Variants in TUBGCP4 observed in about 807,000 individuals in gnomAD.
TUBGCP4 encodes tubulin gamma complex component 4.
Under a neutral mutation model 91.6 loss-of-function variants are expected in TUBGCP4, and 54 were observed. The ratio of observed to expected loss-of-function variants is 0.59; its 90% confidence interval spans 0.47 to 0.74. TUBGCP4 has a LOEUF of 0.74. TUBGCP4 is among the 30% of genes least tolerant of loss of function. The pLI, the probability that TUBGCP4 is intolerant of heterozygous loss-of-function variation, is 0.00. For synonymous variants in TUBGCP4, 297 were observed against 302.8 expected (o/e 0.98, Z 0.20); for missense variants, 593 against 800.9 (o/e 0.74, Z 3.13).
chr15:43,374,000 A>T (rs1449661726), intron 1 of TUBGCP4, among the ~76,000 whole-genome samples: 1 of 152,152 alleles, frequency 6.6e-6, no homozygotes, highest in Non-Finnish European at 1.5e-5. Flanking sequence ...TAAGTTACTA[A>T]CTTGAAGATG....
chr15:43,400,365 T>C (rs936406626), intron 14 of TUBGCP4, 144 bp downstream of exon 14: 1 of 530,850 alleles, frequency 1.9e-6, no homozygotes, highest in Admixed American at 3.5e-5. Flanking sequence ...ACCAAGCATG[T>C]TTCTTAAAAT....
rs373775398 is a variant in TUBGCP4, at chr15:43,397,198, G to T, written c.1172-16G>T. 6.2e-7 allele frequency: 1 copy of T among 1,605,292 alleles called. No homozygotes were observed. Among genetic ancestry groups the T allele is most frequent in the South Asian group, 1.1e-5 (1 of 90,914 alleles). ...TAGCCAAGCGTCCCTGTCAGCCTGC[G>T]TGTTCTTTCTTGCAGATGTGAATGT... On this transcript the variant is annotated splice_polypyrimidine_tract_variant and intron_variant, in intron 11 of 17. Transcript: ENST00000564079.
At chr15:43,395,737 T>C (rs1045665330) in intron 11 of TUBGCP4, 49 bp downstream of exon 11, 2 of 1,502,756 alleles carry the variant, frequency 1.3e-6, no homozygotes, top group Non-Finnish European at 1.9e-6. Flanking sequence ...CATTGCAGGG[T>C]ATTTCTTGGC....
At chr15:43,393,357 C>A (rs1188490503) in intron 9 of TUBGCP4, among the ~76,000 whole-genome samples, 1 of 151,704 alleles carries the variant, frequency 6.6e-6, no homozygotes, top group Non-Finnish European at 1.5e-5. Context: ...TTACAGGCAC[C>A]CGCCACCACG....
At chr15:43,383,249 C>A in intron 6 of TUBGCP4, 54 bp from the exon 7 acceptor site, 1 of 1,477,348 alleles carries the variant, frequency 6.8e-7, no homozygotes. Flanking sequence ...CTCTGTTTAT[C>A]CTGTAACAGT....
chr15:43,407,698 C>T lies in TUBGCP4; in HGVS notation c.*2484C>T, dbSNP rs1595513338. The T allele has an allele frequency of 5.4e-6, 5 of 925,788 alleles. No individual in the cohort carries two copies. In the East Asian group the frequency reaches 1.3e-4, roughly 24 times the overall value. The allele number at this position is 925,788 out of a possible 1,614,324, so 57.3% of individuals were successfully genotyped here. ...CCAAAGCCCTATTATGTCAAACACA[C>T]TGCTACTGATCATGACCAAAGGCAG... On this transcript the variant is annotated 3_prime_UTR_variant, in exon 18 of 18. Transcript: ENST00000564079.
At position 43,385,929 on chromosome 15, in the gene TUBGCP4, A is replaced by T; in HGVS notation, c.862A>T (p.Asn288Tyr). The stretch of plus-strand genomic sequence containing the variant: ...TGGAGAATCTGTCCAGATGTTTGAG[A>T]ATCAAAATGTGAACCTGACTAGAAA... ...FVGESVQMFE[N>Y]QNVNLTRKGS... The change falls in exon 8 of 18, where the codon AAT becomes TAT. Residue 288 changes from asparagine (N) to tyrosine (Y), a missense_variant. Asn to Tyr is a moderately radical substitution (Grantham distance 143). Coordinates refer to ENST00000564079, the MANE Select transcript of TUBGCP4 (RefSeq NM_014444.5). 1 of 1,614,046 alleles carries T rather than the reference A, an allele frequency of 6.2e-7. No individual in the cohort carries two copies. The highest frequency in any genetic ancestry group is 8.5e-7 in the Non-Finnish European group (1 of 1,180,000).
Position 43,380,810 on chromosome 15 carries a change from TACA to T in TUBGCP4, c.521+652_521+654del, listed in dbSNP as rs573450818. On this transcript the variant is annotated intron_variant, in intron 6 of 17. Coordinates refer to ENST00000564079, the MANE Select transcript of TUBGCP4 (RefSeq NM_014444.5). ...TACAAAATTGTATTTATCTTGTGAT[TACA>T]ACAATATGAAAACATGTAGAGTATA... 4.3e-3 allele frequency among the ~76,000 whole-genome samples: 653 copies of T among 152,346 alleles called. 8 individuals carry two copies. The highest frequency in any genetic ancestry group is 5.5e-3 in the Non-Finnish European group (372 of 68,038).
chr15:43,383,623 C>T (rs569711260), intron 7 of TUBGCP4, 119 bp downstream of exon 7: 50 of 762,532 alleles, frequency 6.6e-5, no homozygotes, highest in Admixed American at 3.3e-5. Context: ...TCAATCCTTT[C>T]GATGTAAACA....
intron 1 of TUBGCP4, among the ~76,000 whole-genome samples, chr15:43,375,017 C>T (rs555249988): frequency 1.2e-4 from 18 of 152,362 alleles, no homozygotes; most frequent in Admixed American, 3.3e-4. Flanking sequence ...GTTCTCATGC[C>T]TCAGCCTCCC....
chr15:43,383,424 A>C lies in TUBGCP4; in HGVS notation c.643A>C (p.Ser215Arg). Residue 215 changes from serine to arginine, a missense_variant, in exon 7 of 18, where the codon AGT (serine) becomes CGT (arginine). By Grantham distance (110) the Ser-to-Arg change is moderately radical. Transcript: ENST00000564079. ...ACAGGGGCCATCTTCTGGTAATGTC[A>C]GTGCCCAGCCAGAAGAGGACGAGGA... ...IKQGPSSGNV[S>R]AQPEEDEEDL... is the part of the protein sequence containing the mutation. The C allele has an allele frequency of 6.2e-7, 1 of 1,614,150 alleles. No homozygotes were observed. Among genetic ancestry groups the C allele is most frequent in the Non-Finnish European group, 8.5e-7 (1 of 1,180,018 alleles).
intron 14 of TUBGCP4, among the ~76,000 whole-genome samples, chr15:43,400,658 G>A (rs889867981): frequency 6.6e-6 from 1 of 151,966 alleles, no homozygotes; most frequent in African/African-American, 2.4e-5. Flanking sequence ...GGTCACGTCT[G>A]TAATCTCAGC....
At position 43,398,145 on chromosome 15, in the gene TUBGCP4, C is replaced by T; in HGVS notation, c.1384C>T (p.Leu462=). 1.2e-6 allele frequency: 2 copies of T among 1,613,868 alleles called. No individual in the cohort carries two copies. Among genetic ancestry groups the T allele is most frequent in the Non-Finnish European group, 8.5e-7 (1 of 1,179,820 alleles). ...LGLSYKVQWP[L]HILFTPAVLE... The stretch of plus-strand genomic sequence containing the variant: ...TCTTTCCTACAAAGTACAGTGGCCA[C>T]TACATATTCTCTTCACCCCAGCTGT... Residue 462 remains leucine (L), a synonymous_variant, in exon 13 of 18, where the codon CTA becomes TTA. Transcript: ENST00000564079.
intron 9 of TUBGCP4, among the ~76,000 whole-genome samples, chr15:43,390,895 G>C (rs1045114766): frequency 1.3e-5 from 2 of 152,100 alleles, no homozygotes; most frequent in African/African-American, 4.8e-5. Context: ...ATGAGTCACT[G>C]CAGCGCGATC....
intron 12 of TUBGCP4, 38 bp from the exon 13 acceptor site, chr15:43,398,003 G>C: frequency 2.5e-6 from 4 of 1,586,684 alleles, no homozygotes; most frequent in Non-Finnish European, 3.4e-6. Flanking sequence ...TAACCAAGTT[G>C]TTATCTTTTC....
chr15:43,390,417 G>C (rs1438890383), intron 9 of TUBGCP4, among the ~76,000 whole-genome samples: 2 of 151,642 alleles, frequency 1.3e-5, no homozygotes, highest in South Asian at 2.1e-4. Flanking sequence ...AAAAAATCTA[G>C]TCATTTATGT....
intron 9 of TUBGCP4, among the ~76,000 whole-genome samples, chr15:43,389,377 G>T (rs989933125): frequency 2.1e-4 from 32 of 151,748 alleles, no homozygotes; most frequent in African/African-American, 7.8e-4. Context: ...GCAAATGAGA[G>T]AACTTTCCTT....
Position 43,405,423 on chromosome 15 carries a change from A to T in TUBGCP4, c.*209A>T, listed in dbSNP as rs1018938766. 1 of 606,742 alleles carries T rather than the reference A, an allele frequency of 1.6e-6. No individual in the cohort carries two copies. The allele number at this position is 606,742 out of a possible 1,614,324, so 37.6% of individuals were successfully genotyped here. On this transcript the variant is annotated 3_prime_UTR_variant, in exon 18 of 18. Transcript: ENST00000564079. ...GGAAGGGTCTCTCCCATCAAGGAGA[A>T]CATGTGGCATCTCTGATCCTTTACA...
In TUBGCP4 at chr15:43,400,183, A is replaced by G. The variant is rs773659176; in HGVS notation, c.1558A>G (p.Met520Val). Residue 520 changes from methionine (M) to valine (V), a missense_variant, in exon 14 of 18, where the codon ATG (methionine) becomes GTG (valine). Physicochemically the swap from Met to Val is conservative, Grantham distance 21. Coordinates refer to ENST00000564079, the MANE Select transcript of TUBGCP4 (RefSeq NM_014444.5). ...AATCAAGTGGCGCCTAAGAAATCAC[A>G]TGGCATTTTTGGTGGATAATCTTCA... ...DAIKWRLRNHMAFLVDNLQYY... is the reference protein window; with the variant it reads ...DAIKWRLRNHVAFLVDNLQYY... The G allele has an allele frequency of 2.5e-6, 4 of 1,614,182 alleles. No individual in the cohort carries two copies. Among genetic ancestry groups the G allele is most frequent in the Non-Finnish European group, 3.4e-6 (4 of 1,180,026 alleles).
Sources: allele counts gnomAD v4.1 joint callset (sites outside exome capture counted in the v4.1 genomes callset), GRCh38; gene constraint gnomAD v4.1.1; transcripts MANE v1.5; gene names NCBI Gene and HGNC (gene_info 2026-07-23, HGNC 2026-07-21).